Variants in CRB1 observed in about 807,000 individuals in gnomAD.
CRB1 encodes crumbs cell polarity complex component 1.
Under a neutral mutation model 120.0 loss-of-function variants are expected in CRB1, and 83 were observed. The observed-to-expected ratio is 0.69, with a 90% CI of 0.58 to 0.83. CRB1 has a LOEUF of 0.83. Ranked by LOEUF, CRB1 falls within the 40% of genes least tolerant of loss-of-function variation. CRB1 has a pLI of 0.00. For missense variants in CRB1, 1,699 were observed against 1,687.6 expected (o/e 1.01, Z -0.12); for synonymous variants, 625 against 612.5 (o/e 1.02, Z -0.30).
intron 5 of CRB1, chr1:197,364,111 G>C: frequency 1.0e-6 from 1 of 980,758 alleles, no homozygotes; most frequent in Non-Finnish European, 1.5e-6. Context: ...GGCTGCTGAG[G>C]CTTGTGGATG....
intron 2 of CRB1, among the ~76,000 whole-genome samples, chr1:197,341,604 C>T (rs1659463924): frequency 6.6e-6 from 1 of 152,126 alleles, no homozygotes; most frequent in Admixed American, 6.5e-5. Flanking sequence ...TCTACATTCG[C>T]TTATGTGAAA....
At chr1:197,375,769 C>G (rs1284826659) in intron 5 of CRB1, among the ~76,000 whole-genome samples, 1 of 152,138 alleles carries the variant, frequency 6.6e-6, no homozygotes, top group East Asian at 1.9e-4. Context: ...CCACTCTATT[C>G]TAAATCATTC....
intron 5 of CRB1, chr1:197,363,912 G>T: frequency 8.1e-7 from 1 of 1,236,690 alleles, no homozygotes; most frequent in Non-Finnish European, 1.2e-6. Flanking sequence ...TCCTCACTAC[G>T]GATGGGCTCA....
chr1:197,453,934 TTAA>T (rs376193783), intron 11 of CRB1, among the ~76,000 whole-genome samples: 776 of 32,534 alleles, frequency 0.024, 20 homozygotes, highest in African/African-American at 0.084. Context: ...TATTATATTA[TTAA>T]TAATATATAT....
At chr1:197,426,716 C>G (rs1007543497) in intron 6 of CRB1, among the ~76,000 whole-genome samples, 4 of 152,116 alleles carry the variant, frequency 2.6e-5, no homozygotes, top group Non-Finnish European at 2.9e-5. Flanking sequence ...CTTTCCTACT[C>G]CCAACCAGGA....
intron 5 of CRB1, among the ~76,000 whole-genome samples, chr1:197,382,553 CG>C (rs1662009912): frequency 6.6e-6 from 1 of 152,178 alleles, no homozygotes; most frequent in Middle Eastern, 3.4e-3. Flanking sequence ...GACAGCAAGA[CG>C]TTTTTCAAAG....
intron 5 of CRB1, among the ~76,000 whole-genome samples, chr1:197,400,587 C>T (rs1010179434): frequency 6.6e-6 from 1 of 151,958 alleles, no homozygotes; most frequent in Non-Finnish European, 1.5e-5. Context: ...CTTACAAAAC[C>T]TATCCTGCTT....
chr1:197,376,921 G>A (rs1661678944), intron 5 of CRB1, among the ~76,000 whole-genome samples: 1 of 152,092 alleles, frequency 6.6e-6, no homozygotes, highest in Admixed American at 6.6e-5. Context: ...CTTCACTGTA[G>A]CTAGGCTGGG....
intron 11 of CRB1, among the ~76,000 whole-genome samples, chr1:197,447,150 T>C (rs1466675188): frequency 4.6e-5 from 7 of 152,174 alleles, no homozygotes; most frequent in Non-Finnish European, 1.0e-4. Flanking sequence ...AAGACAGCAT[T>C]CAAGGTGTCA....
chr1:197,463,580 C>T (rs749777350), intron 11 of CRB1, among the ~76,000 whole-genome samples: 3 of 152,046 alleles, frequency 2.0e-5, no homozygotes, highest in African/African-American at 4.8e-5. Context: ...TGCAGCTGTG[C>T]GTAATTAAAC....
intron 5 of CRB1, among the ~76,000 whole-genome samples, chr1:197,419,468 T>G (rs1413307816): frequency 6.6e-6 from 1 of 151,934 alleles, no homozygotes; most frequent in East Asian, 1.9e-4. Context: ...GTTCAAGAGA[T>G]TGTCCTGCCT....
intron 2 of CRB1, 104 bp downstream of exon 2, chr1:197,329,107 G>A (rs993945746): frequency 2.4e-5 from 25 of 1,026,878 alleles, no homozygotes; most frequent in Admixed American, 1.4e-4. Context: ...TATGAAAATG[G>A]CCAAGTTCTT....
chr1:197,467,247 A>C (rs1666789511), intron 11 of CRB1, among the ~76,000 whole-genome samples: 1 of 152,222 alleles, frequency 6.6e-6, no homozygotes, highest in Non-Finnish European at 1.5e-5. Flanking sequence ...GTTACAACTA[A>C]TGCGTGTAAC....
chr1:197,259,065 T>G, the CRB1 span, among the ~76,000 whole-genome samples: 3 of 152,184 alleles, frequency 2.0e-5, no homozygotes, highest in African/African-American at 7.2e-5. Flanking sequence ...TAGGAATGCT[T>G]TTACACTGTT....
At chr1:197,215,161 G>A in the CRB1 span, among the ~76,000 whole-genome samples, 1 of 152,066 alleles carries the variant, frequency 6.6e-6, no homozygotes, top group African/African-American at 2.4e-5. Context: ...CAGAAAGAAT[G>A]TACATCAGCA....
chr1:197,244,386 A>C, the CRB1 span, among the ~76,000 whole-genome samples: 1 of 151,766 alleles, frequency 6.6e-6, no homozygotes, highest in Non-Finnish European at 1.5e-5. Context: ...ATTTTTCCTT[A>C]GAATGTCTTG....
chr1:197,450,029 A>G (rs552240509), intron 11 of CRB1, among the ~76,000 whole-genome samples: 25 of 152,268 alleles, frequency 1.6e-4, no homozygotes, highest in African/African-American at 6.0e-4. Context: ...CTGCACTCCA[A>G]AAAAATAAAA....
At chr1:197,362,482 C>T (rs1045312227) in intron 5 of CRB1, among the ~76,000 whole-genome samples, 2 of 152,080 alleles carry the variant, frequency 1.3e-5, no homozygotes, top group African/African-American at 4.8e-5. Context: ...AAGTCCCCAC[C>T]TATAATTATG....
intron 11 of CRB1, among the ~76,000 whole-genome samples, chr1:197,470,202 G>A (rs1021240365): frequency 6.6e-6 from 1 of 152,132 alleles, no homozygotes; most frequent in Non-Finnish European, 1.5e-5. Context: ...AAACAATTGG[G>A]AACAAGGAAG....
Sources: gnomAD v4.1 joint callset for allele counts (sites outside exome capture counted in the v4.1 genomes callset) on GRCh38, gnomAD v4.1.1 for gene constraint, MANE v1.5 for transcripts, NCBI Gene and HGNC (gene_info 2026-07-23, HGNC 2026-07-21) for gene names.